Variants in MGAT3 observed in about 807,000 individuals in gnomAD.
The protein encoded by MGAT3 is GlcNAc-T III.
A neutral mutation model predicts 29.8 loss-of-function variants in MGAT3; 9 were observed. That is an observed-to-expected ratio of 0.30 (90% CI 0.18 to 0.53). The LOEUF (loss-of-function observed/expected upper bound fraction) is 0.53, where lower values mean the gene tolerates loss of function less well. MGAT3 is among the 20% of genes least tolerant of loss of function. The pLI is 0.96. For missense variants in MGAT3, 557 were observed against 769.5 expected (o/e 0.72, Z 3.27); for synonymous variants, 397 against 348.9 (o/e 1.14, Z -1.54).
At chr22:39,466,219 G>A (rs909824387) in intron 1 of MGAT3, among the ~76,000 whole-genome samples, 11 of 152,146 alleles carry the variant, frequency 7.2e-5, no homozygotes, top group Admixed American at 3.3e-4. Context: ...AAGGAGCCCC[G>A]GAGACAGCCG....
intron 1 of MGAT3, chr22:39,486,080 T>C (rs1442346710): frequency 2.6e-6 from 1 of 390,040 alleles, no homozygotes; most frequent in Non-Finnish European, 4.9e-6. Context: ...AATATGGTAG[T>C]ATTTATGAAA....
intron 1 of MGAT3, among the ~76,000 whole-genome samples, chr22:39,481,177 C>T (rs1422307841): frequency 1.3e-5 from 2 of 152,208 alleles, no homozygotes; most frequent in Non-Finnish European, 1.5e-5. Flanking sequence ...TCTTCACTGG[C>T]GCACATACAC....
In MGAT3 at chr22:39,487,986, C is replaced by T. The variant is rs770576317; in HGVS notation, c.639C>T (p.Asn213=). Residue 213 remains asparagine, a synonymous_variant, in exon 2 of 2, where the codon AAC becomes AAT. Transcript: ENST00000341184. This position sits in a 1 kb window ranked among gnomAD's most constrained non-coding sequence, Gnocchi z 5.7. ...EVPRRVINAI[N]VNHEFDLLDV... ...CGCGCCGCGTCATCAACGCCATCAA[C>T]GTCAACCACGAGTTCGACCTGCTGG... 5 of 1,612,948 alleles carry T rather than the reference C, an allele frequency of 3.1e-6. No homozygotes were observed. In the Admixed American group the frequency reaches 6.7e-5, roughly 22 times the overall value.
Position 39,488,838 on chromosome 22 carries a change from G to A in MGAT3, c.1491G>A (p.Leu497=). ...AGAACTACGACCGGTTCCACTACCT[G>A]CTGGACAACCCCTACCAGGAGCCCA... ...LLKNYDRFHY[L]LDNPYQEPRS... is the part of the protein sequence containing the mutation. The change falls in exon 2 of 2, where the codon CTG becomes CTA. Residue 497 remains leucine (L), a synonymous_variant. Coordinates refer to ENST00000341184, the MANE Select transcript of MGAT3 (RefSeq NM_002409.5). 1 of 1,608,770 alleles carries A rather than the reference G, an allele frequency of 6.2e-7. No homozygotes were observed. The highest frequency in any genetic ancestry group is 1.3e-5 in the African/African-American group (1 of 74,958).
At chr22:39,478,106 G>A (rs534602220) in intron 1 of MGAT3, among the ~76,000 whole-genome samples, 1 of 152,362 alleles carries the variant, frequency 6.6e-6, no homozygotes, top group Admixed American at 6.5e-5. Flanking sequence ...ACATGGGGCA[G>A]GACCAGGCCG....
intron 1 of MGAT3, among the ~76,000 whole-genome samples, chr22:39,479,297 C>A (rs1929056230): frequency 6.6e-6 from 1 of 152,216 alleles, no homozygotes. Flanking sequence ...CTTGACCACC[C>A]CACTGTACTC....
intron 1 of MGAT3, among the ~76,000 whole-genome samples, chr22:39,464,497 T>C (rs1219076705): frequency 6.6e-6 from 1 of 152,058 alleles, no homozygotes; most frequent in African/African-American, 2.4e-5. Flanking sequence ...TGGAGTGCAG[T>C]GGCGCGATCT....
At chr22:39,464,137 G>A (rs912572613) in intron 1 of MGAT3, among the ~76,000 whole-genome samples, 4 of 152,264 alleles carry the variant, frequency 2.6e-5, no homozygotes, top group African/African-American at 9.6e-5. Flanking sequence ...CCCCCGCCAT[G>A]CTGTCATCCT....
chr22:39,489,072 T>TGGGGGTTGGGGGGGG lies in MGAT3; in HGVS notation c.*129_*130insTGGGGGGGGGGGGGT. ...ACCAGGAGTGGGTGGGGAGTGGGGG[T>TGGGGGTTGGGGGGGG]GGGGGTAGGGTTTCCCTACTGAAGC... On this transcript the variant is annotated 3_prime_UTR_variant, in exon 2 of 2. Transcript: ENST00000341184. The TGGGGGTTGGGGGGGG allele has an allele frequency of 5.5e-6, 2 of 365,000 alleles. No individual in the cohort carries two copies. The highest frequency in any genetic ancestry group is 1.0e-5 in the Non-Finnish European group (2 of 200,930). The allele number at this position is 365,000 out of a possible 1,614,324, so 22.6% of individuals were successfully genotyped here.
At chr22:39,485,962 T>C (rs1181583867) in intron 1 of MGAT3, among the ~76,000 whole-genome samples, 1 of 152,176 alleles carries the variant, frequency 6.6e-6, no homozygotes, top group African/African-American at 2.4e-5. Context: ...ACAATAGCCA[T>C]GTAATATGTG....
chr22:39,470,839 C>T (rs547114133), intron 1 of MGAT3, among the ~76,000 whole-genome samples: 26 of 152,276 alleles, frequency 1.7e-4, no homozygotes, highest in African/African-American at 6.0e-4. Context: ...CAGTGACCTG[C>T]CCAAGATCAC....
At position 39,488,458 on chromosome 22, in the gene MGAT3, C is replaced by G. The variant is rs770730220; in HGVS notation, c.1111C>G (p.Gln371Glu). 3.1e-6 allele frequency: 5 copies of G among 1,612,926 alleles called. No homozygotes were observed. Among genetic ancestry groups the G allele is most frequent in the Non-Finnish European group, 4.2e-6 (5 of 1,180,014 alleles). Reference sequence around the variant, plus strand: ...GTCAGGCTGCACGGTGGACATGCTGCAGGCAGTGTATGGGCTGGACGGCAT... The same window carrying G: ...GTCAGGCTGCACGGTGGACATGCTGGAGGCAGTGTATGGGCTGGACGGCAT... The part of the protein sequence containing the change: ...VVSGCTVDML[Q>E]AVYGLDGIRL... Residue 371 changes from glutamine (Q) to glutamate (E), a missense_variant, in exon 2 of 2, where the codon CAG becomes GAG. By Grantham distance (29) the Gln-to-Glu change is conservative (BLOSUM62 2). Transcript: ENST00000341184.
At chr22:39,486,162 T>G in intron 1 of MGAT3, 1 of 413,598 alleles carries the variant, frequency 2.4e-6, no homozygotes, top group Non-Finnish European at 4.7e-6. Flanking sequence ...TTTTTTTTTT[T>G]TAGATGGAGT....
chr22:39,487,737 G>T lies in MGAT3; in HGVS notation c.390G>T (p.Pro130=). The T allele has an allele frequency of 6.5e-7, 1 of 1,543,144 alleles. No individual in the cohort carries two copies. Among genetic ancestry groups the T allele is most frequent in the East Asian group, 2.3e-5 (1 of 43,496 alleles). The part of the protein sequence containing the change: ...PGTKMLERPP[P]GRPEEKPEGA... ...CCAAGATGCTGGAGAGGCCGCCCCC[G>T]GGACGGCCGGAGGAGAAGCCTGAGG... The change falls in exon 2 of 2, where the codon CCG becomes CCT. Residue 130 remains proline (P), a synonymous_variant. Coordinates refer to ENST00000341184, the MANE Select transcript of MGAT3 (RefSeq NM_002409.5). This position sits in a 1 kb window ranked among gnomAD's most constrained non-coding sequence, Gnocchi z 5.7.
chr22:39,476,805 C>G (rs185995715), intron 1 of MGAT3: 3 of 152,234 alleles, frequency 2.0e-5, no homozygotes, highest in African/African-American at 7.2e-5. Context: ...ATCTGCGTCC[C>G]CGATGACCAC....
At chr22:39,478,566 G>C (rs150922374) in intron 1 of MGAT3, among the ~76,000 whole-genome samples, 2,960 of 152,314 alleles carry the variant, frequency 0.019, 110 homozygotes, top group African/African-American at 0.068. Flanking sequence ...GGCACCCTGG[G>C]GACTGAGCTA....
chr22:39,464,815 A>G (rs1449247176), intron 1 of MGAT3, among the ~76,000 whole-genome samples: 1 of 151,116 alleles, frequency 6.6e-6, no homozygotes, highest in African/African-American at 2.4e-5. Context: ...CAGTGGCATG[A>G]TCTCGGCTCA....
chr22:39,487,149 T>C lies in MGAT3; in HGVS notation c.-1-198T>C, dbSNP rs548271835. Among the ~76,000 whole-genome samples the C allele has an allele frequency of 5.9e-5, 9 of 152,042 alleles. No individual in the cohort carries two copies. In the South Asian group the frequency reaches 1.7e-3, roughly 28 times the overall value. On this transcript the variant is annotated intron_variant, in intron 1 of 1. Transcript: ENST00000341184. The surrounding 1 kb of genome is among the most constrained non-coding windows in gnomAD (Gnocchi z 5.7). The stretch of plus-strand genomic sequence containing the variant: ...GGGAAGGGCTATGGGAGCACGGCGG[T>C]GTCCTCAGTGCTGGGGCTTTCAGGG...
intron 1 of MGAT3, among the ~76,000 whole-genome samples, chr22:39,470,887 C>G (rs1928790195): frequency 6.6e-6 from 1 of 152,170 alleles, no homozygotes; most frequent in Admixed American, 6.5e-5. Flanking sequence ...TGAATCCAGC[C>G]CCTTTTGAGT....
Sources: gnomAD v4.1 joint callset for allele counts (sites outside exome capture counted in the v4.1 genomes callset) on GRCh38, gnomAD v4.1.1 for gene constraint, Gnocchi (gnomAD v3.1) non-coding constraint, MANE v1.5 for transcripts, NCBI Gene and HGNC (gene_info 2026-07-23, HGNC 2026-07-21) for gene names.